Variants in DLGAP2 observed in about 807,000 individuals in gnomAD.
DLGAP2 encodes the protein DLG associated protein 2.
In DLGAP2, 26 loss-of-function variants were observed where a neutral mutation model predicts 100.3. The ratio of observed to expected loss-of-function variants is 0.26; its 90% confidence interval spans 0.19 to 0.36. The LOEUF is 0.36. Among genes scored for constraint, DLGAP2 ranks in the 10% least tolerant of loss-of-function variants. DLGAP2 has a pLI of 1.00. For synonymous variants in DLGAP2, 886 were observed against 630.1 expected, an observed-to-expected ratio of 1.41 and a Z score of -6.08; for missense variants, 1,858 against 1,453.2, an observed-to-expected ratio of 1.28 and a Z score of -4.53.
At position 739,065 on chromosome 8, in the gene DLGAP2, G is replaced by C. The variant is rs13262334; in HGVS notation, c.18+1240G>C. 1,286 of 155,136 alleles carry C rather than the reference G, an allele frequency of 8.3e-3. 5 individuals carry two copies. The highest frequency in any genetic ancestry group is 0.018 in the South Asian group (103 of 5,798). 9.6% of individuals were successfully genotyped at this position (155,136 alleles called of 1,614,324 possible). A position where few individuals can be genotyped will look rare whatever the true frequency, so the allele number is the denominator to read the frequency against. ...TGGAATTGGAAATTCGTGACTTGTC[G>C]GCGGCCCCGGTCTTCTATCGATTAA... On this transcript the variant is annotated intron_variant, in intron 1 of 14. Coordinates refer to ENST00000637795, the MANE Select transcript of DLGAP2 (RefSeq NM_001346810.2).
intron 3 of DLGAP2, among the ~76,000 whole-genome samples, chr8:1,383,183 T>G (rs940635678): frequency 6.6e-6 from 1 of 152,214 alleles, no homozygotes; most frequent in Admixed American, 6.5e-5. Flanking sequence ...GGTATATTCA[T>G]TAATTTTGTA....
At chr8:1,024,593 C>G (rs1429910878) in intron 2 of DLGAP2, among the ~76,000 whole-genome samples, 1 of 152,176 alleles carries the variant, frequency 6.6e-6, no homozygotes, top group Non-Finnish European at 1.5e-5. Context: ...TCCTTGCTTC[C>G]TTTGAAGAGC....
At chr8:1,458,160 C>A (rs1798374941) in intron 3 of DLGAP2, among the ~76,000 whole-genome samples, 1 of 151,702 alleles carries the variant, frequency 6.6e-6, no homozygotes. Flanking sequence ...CCCGCCTCGG[C>A]CTCCCAAAGT....
At chr8:1,346,017 A>G (rs1002192140) in intron 3 of DLGAP2, among the ~76,000 whole-genome samples, 1 of 152,230 alleles carries the variant, frequency 6.6e-6, no homozygotes, top group Non-Finnish European at 1.5e-5. Flanking sequence ...TGTCCAGTGC[A>G]GATGGGACAG....
chr8:1,378,847 G>A (rs1024162971), intron 3 of DLGAP2, among the ~76,000 whole-genome samples: 3 of 152,058 alleles, frequency 2.0e-5, no homozygotes, highest in Non-Finnish European at 4.4e-5. Flanking sequence ...TGAGGAGTCT[G>A]TGCCGTCCCC....
chr8:1,012,136 T>C (rs58295701), intron 2 of DLGAP2, among the ~76,000 whole-genome samples: 52,026 of 151,996 alleles, frequency 0.34, 9,063 homozygotes, highest in Admixed American at 0.4. Flanking sequence ...GGTGCAGCGG[T>C]ATCCCCTTGC....
chr8:1,510,077 C>G (rs759651167), intron 4 of DLGAP2, among the ~76,000 whole-genome samples: 1 of 152,208 alleles, frequency 6.6e-6, no homozygotes. Flanking sequence ...ATTTTAGATT[C>G]TGAAGAGTTT....
At chr8:1,130,082 ATCGTG>A (rs1313617982) in intron 2 of DLGAP2, among the ~76,000 whole-genome samples, 6 of 1,756 alleles carry the variant, frequency 3.4e-3, no homozygotes, top group Admixed American at 0.018. Context: ...GGGTTAAGGG[ATCGTG>A]TCAGACACTT....
At chr8:1,287,284 T>TG (rs1799946824) in intron 3 of DLGAP2, among the ~76,000 whole-genome samples, 31 of 17,178 alleles carry the variant, frequency 1.8e-3, no homozygotes, top group East Asian at 4.6e-3. Flanking sequence ...GTGTGTGTGG[T>TG]TGTTAGGAGG....
In DLGAP2 at chr8:1,635,465, A is replaced by G. The variant is rs549118450; in HGVS notation, c.1810+2419A>G. 9.5e-4 allele frequency among the ~76,000 whole-genome samples: 145 copies of G among 152,318 alleles called. 1 individual carries two copies. The highest frequency in any genetic ancestry group is 3.4e-3 in the African/African-American group (140 of 41,590). On this transcript the variant is annotated intron_variant, in intron 8 of 14. Transcript: ENST00000637795. ...AATTGATATCCTAGCACTACGTTCAATAGCTGTCATTTACTGATCCATGTA... is the reference window on the plus strand; with the variant it reads ...AATTGATATCCTAGCACTACGTTCAGTAGCTGTCATTTACTGATCCATGTA...
chr8:1,434,665 G>A (rs867934243), intron 3 of DLGAP2, among the ~76,000 whole-genome samples: 6 of 152,188 alleles, frequency 3.9e-5, no homozygotes, highest in Middle Eastern at 3.4e-3. Context: ...TAGTAGAGAT[G>A]GGGTGTCACT....
At chr8:751,498 G>A (rs1820787733) in intron 1 of DLGAP2, among the ~76,000 whole-genome samples, 1 of 152,224 alleles carries the variant, frequency 6.6e-6, no homozygotes, top group African/African-American at 2.4e-5. Flanking sequence ...CATTACGGAA[G>A]TTGGATCGTG....
intron 2 of DLGAP2, among the ~76,000 whole-genome samples, chr8:1,195,375 G>A (rs1305098134): frequency 6.6e-6 from 1 of 152,356 alleles, no homozygotes; most frequent in South Asian, 2.1e-4. Context: ...CCACCGACAG[G>A]TCAGAGACGG....
chr8:1,252,533 C>T (rs755113425), intron 2 of DLGAP2, among the ~76,000 whole-genome samples: 25 of 152,124 alleles, frequency 1.6e-4, no homozygotes, highest in South Asian at 2.1e-4. Context: ...GGTGTTGTCA[C>T]GTGGTGTGTT....
chr8:914,011 C>T (rs1197356635), intron 2 of DLGAP2, among the ~76,000 whole-genome samples: 1 of 152,172 alleles, frequency 6.6e-6, no homozygotes, highest in Non-Finnish European at 1.5e-5. Context: ...TTCAGGAGGC[C>T]AGGGAGTGGT....
intron 2 of DLGAP2, among the ~76,000 whole-genome samples, chr8:940,707 G>C (rs1419372234): frequency 6.6e-6 from 1 of 152,220 alleles, no homozygotes; most frequent in African/African-American, 2.4e-5. Flanking sequence ...CATGTCTCCA[G>C]ATGCTGGGGT....
chr8:781,939 G>A (rs867358015), intron 1 of DLGAP2, among the ~76,000 whole-genome samples: 1 of 152,178 alleles, frequency 6.6e-6, no homozygotes, highest in South Asian at 2.1e-4. Context: ...GAGCTGGGGG[G>A]ATGGAGAGAG....
intron 6 of DLGAP2, among the ~76,000 whole-genome samples, chr8:1,570,455 A>C (rs1040330071): frequency 1.3e-5 from 2 of 152,232 alleles, no homozygotes; most frequent in Non-Finnish European, 2.9e-5. Flanking sequence ...CATATCCCAA[A>C]CATGTTCTCC....
chr8:861,796 C>G (rs976873207), intron 1 of DLGAP2, among the ~76,000 whole-genome samples: 2 of 152,224 alleles, frequency 1.3e-5, no homozygotes, highest in African/African-American at 4.8e-5. Flanking sequence ...CACACCTAAC[C>G]TCCCGGTGGA....
Sources: allele counts gnomAD v4.1 joint callset (sites outside exome capture counted in the v4.1 genomes callset), GRCh38; gene constraint gnomAD v4.1.1; transcripts MANE v1.5; gene names NCBI Gene and HGNC (gene_info 2026-07-23, HGNC 2026-07-21).